The following CSMD3 variants were observed in gnomAD, a reference collection of about 807,000 sequenced individuals.
CSMD3 encodes the protein CUB and sushi domain-containing protein 3.
Under a neutral mutation model 435.2 loss-of-function variants are expected in CSMD3, and 177 were observed. The ratio of observed to expected loss-of-function variants is 0.41; its 90% CI spans 0.36 to 0.46. CSMD3 has a LOEUF of 0.46. Among genes scored for constraint, CSMD3 ranks in the 20% least tolerant of loss-of-function variants. CSMD3 has a pLI of 0.34. For missense variants in CSMD3, 4,265 were observed against 4,504.6 expected (o/e 0.95, Z 1.52); for synonymous variants, 1,656 against 1,520.5 (o/e 1.09, Z -2.07).
Position 113,017,365 on chromosome 8 carries a change from T to A in CSMD3, c.1030+1702A>T, listed in dbSNP as rs150133559. 5.5e-3 allele frequency among the ~76,000 whole-genome samples: 842 copies of A among 152,076 alleles called. 2 individuals are homozygous for A. The highest frequency in any genetic ancestry group is 8.3e-3 in the Non-Finnish European group (565 of 67,856). ...ATTGTCTTATAGTGCAAAACAACCC[T>A]ATCTGAAGGTACCAGCTCCATGAAA... On this transcript the variant is annotated intron_variant, in intron 6 of 70. Transcript: ENST00000297405.
intron 18 of CSMD3, among the ~76,000 whole-genome samples, chr8:112,651,607 G>A (rs574662886): frequency 1.3e-5 from 2 of 149,596 alleles, no homozygotes; most frequent in East Asian, 2.0e-4. Flanking sequence ...GCGTGATCTC[G>A]GCTCACTGTG....
At chr8:113,213,169 A>G (rs1359034995) in intron 3 of CSMD3, among the ~76,000 whole-genome samples, 2 of 152,108 alleles carry the variant, frequency 1.3e-5, no homozygotes, top group Non-Finnish European at 2.9e-5. Context: ...TGGAATCTAC[A>G]AATCTACCTC....
intron 10 of CSMD3, among the ~76,000 whole-genome samples, chr8:112,912,333 G>T (rs977728205): frequency 6.6e-6 from 1 of 151,032 alleles, no homozygotes; most frequent in Non-Finnish European, 1.5e-5. Flanking sequence ...TCAGGAATCT[G>T]CATACTATTT....
chr8:112,988,031 C>G (rs1245400499), intron 6 of CSMD3, among the ~76,000 whole-genome samples: 3 of 151,964 alleles, frequency 2.0e-5, no homozygotes, highest in Non-Finnish European at 4.4e-5. Context: ...TCACATTTGG[C>G]TAGGATTTCC....
chr8:112,834,802 A>G (rs1477023957), intron 11 of CSMD3, among the ~76,000 whole-genome samples: 2 of 151,862 alleles, frequency 1.3e-5, no homozygotes, highest in Non-Finnish European at 2.9e-5. Flanking sequence ...TAGGAAAAAT[A>G]TTATGCATTT....
intron 8 of CSMD3, among the ~76,000 whole-genome samples, chr8:112,953,157 C>T (rs2130824718): frequency 6.6e-6 from 1 of 151,366 alleles, no homozygotes; most frequent in South Asian, 2.1e-4. Flanking sequence ...TGTAATTCTA[C>T]TTAGAATTCA....
At chr8:112,585,345 A>G (rs1830641278) in intron 23 of CSMD3, among the ~76,000 whole-genome samples, 1 of 151,482 alleles carries the variant, frequency 6.6e-6, no homozygotes, top group Admixed American at 6.6e-5. Context: ...AAATTTTTTA[A>G]CTTTTTAAAC....
intron 16 of CSMD3, among the ~76,000 whole-genome samples, chr8:112,671,725 T>C (rs1205336231): frequency 1.3e-5 from 2 of 152,132 alleles, no homozygotes; most frequent in South Asian, 2.1e-4. Context: ...GTTAAATTCC[T>C]AGTTAAGAAT....
chr8:113,105,299 T>C (rs1416848370), intron 4 of CSMD3, among the ~76,000 whole-genome samples: 1 of 152,068 alleles, frequency 6.6e-6, no homozygotes, highest in East Asian at 1.9e-4. Context: ...CACTTGGCTT[T>C]CTCTAAGGAG....
chr8:112,952,826 C>T (rs2083873044), intron 8 of CSMD3, among the ~76,000 whole-genome samples: 1 of 151,236 alleles, frequency 6.6e-6, no homozygotes, highest in South Asian at 2.1e-4. Context: ...TAGCTTTTTG[C>T]CTATTTTAAA....
intron 1 of CSMD3, among the ~76,000 whole-genome samples, chr8:113,322,022 C>T (rs2093952690): frequency 6.6e-6 from 1 of 152,020 alleles, no homozygotes; most frequent in South Asian, 2.1e-4. Flanking sequence ...AACAAATATA[C>T]AAAATGTGCA....
chr8:112,957,583 A>G (rs1324153999), intron 7 of CSMD3, among the ~76,000 whole-genome samples: 2 of 150,928 alleles, frequency 1.3e-5, no homozygotes, highest in African/African-American at 2.4e-5. Context: ...CCCCTCGAGT[A>G]GCTGGGATTA....
intron 21 of CSMD3, among the ~76,000 whole-genome samples, chr8:112,637,791 G>A (rs1787127398): frequency 6.6e-6 from 1 of 151,810 alleles, no homozygotes. Flanking sequence ...AAAATTACTT[G>A]GACTTTTTTT....
At chr8:113,428,681 G>C (rs2094651397) in intron 1 of CSMD3, among the ~76,000 whole-genome samples, 1 of 151,786 alleles carries the variant, frequency 6.6e-6, no homozygotes, top group Non-Finnish European at 1.5e-5. Context: ...TTTTATCCCG[G>C]TACCATTTCC....
At chr8:112,833,970 G>A (rs1267703789) in intron 11 of CSMD3, among the ~76,000 whole-genome samples, 1 of 151,928 alleles carries the variant, frequency 6.6e-6, no homozygotes, top group Non-Finnish European at 1.5e-5. Context: ...TAATAGGCTA[G>A]TGGATACAAA....
chr8:113,240,714 T>C (rs1431885346), intron 3 of CSMD3, among the ~76,000 whole-genome samples: 2 of 152,152 alleles, frequency 1.3e-5, no homozygotes, highest in Non-Finnish European at 2.9e-5. Flanking sequence ...CATTTATTTG[T>C]CCATATATTG....
intron 32 of CSMD3, among the ~76,000 whole-genome samples, chr8:112,453,061 G>T (rs949200135): frequency 6.6e-6 from 1 of 152,138 alleles, no homozygotes; most frequent in East Asian, 1.9e-4. Flanking sequence ...AAAAAGGCAA[G>T]AAGCTGGACA....
intron 37 of CSMD3, among the ~76,000 whole-genome samples, chr8:112,382,789 C>T (rs1044227024): frequency 6.6e-6 from 1 of 152,048 alleles, no homozygotes; most frequent in Non-Finnish European, 1.5e-5. Flanking sequence ...CAGAAGTTCA[C>T]GACCCGCCTC....
intron 22 of CSMD3, among the ~76,000 whole-genome samples, chr8:112,602,347 C>T (rs182543615): frequency 1.3e-5 from 2 of 152,172 alleles, no homozygotes; most frequent in South Asian, 2.1e-4. Flanking sequence ...GGGTGGACCA[C>T]CTGAGGTCAG....
Sources: allele counts gnomAD v4.1 joint callset (sites outside exome capture counted in the v4.1 genomes callset), GRCh38; gene constraint gnomAD v4.1.1; transcripts MANE v1.5; gene names NCBI Gene and HGNC (gene_info 2026-07-23, HGNC 2026-07-21).